The following CPNE8 variants were observed in gnomAD, a reference collection of about 807,000 sequenced individuals.
The protein encoded by CPNE8 is copine-8.
In CPNE8, 45 loss-of-function variants were observed where a neutral mutation model predicts 81.5. The ratio of observed to expected loss-of-function variants is 0.55; its 90% CI spans 0.44 to 0.71. The LOEUF (loss-of-function observed/expected upper bound fraction) is 0.71. Among genes scored for constraint, CPNE8 ranks in the 30% least tolerant of loss-of-function variants. The probability of loss-of-function intolerance (pLI) is 0.00; values close to 1 mark genes in which losing one functional copy is unlikely to be tolerated. For synonymous variants in CPNE8, 252 were observed against 226.3 expected (o/e 1.11, Z -1.02); for missense variants, 594 against 672.1 (o/e 0.88, Z 1.28).
chr12:38,662,090 T>C (rs1382234701), intron 19 of CPNE8, among the ~76,000 whole-genome samples: 1 of 152,066 alleles, frequency 6.6e-6, no homozygotes, highest in African/African-American at 2.4e-5. Flanking sequence ...CTCAAAGAAC[T>C]TGAACAAGAG....
Position 38,717,446 on chromosome 12 carries a change from TATATATATATATAC to T in CPNE8, c.914+6312_914+6325del, listed in dbSNP as rs1288911622. On this transcript the variant is annotated intron_variant, in intron 13 of 19. Transcript: ENST00000331366. ...AGTGTGGTGTATATATATATATATA[TATATATATATATAC>T]ACCATGGAATACTACTCAGTCATTA... is the stretch of plus-strand genomic sequence containing the variant. 5.2e-4 allele frequency among the ~76,000 whole-genome samples: 71 copies of T among 136,990 alleles called. 4 individuals carry two copies. Among genetic ancestry groups the T allele is most frequent in the African/African-American group, 9.9e-4 (37 of 37,320 alleles). The allele number at this position is 136,990 out of a possible 152,430, so 89.9% of individuals were successfully genotyped here. A position where few individuals can be genotyped will look rare whatever the true frequency, so the allele number is the denominator to read the frequency against.
At chr12:38,675,502 TAGTGAAAAGAC>T (rs1939267866) in intron 18 of CPNE8, among the ~76,000 whole-genome samples, 1 of 152,146 alleles carries the variant, frequency 6.6e-6, no homozygotes, top group African/African-American at 2.4e-5. Flanking sequence ...GATAATATCC[TAGTGAAAAGAC>T]AGGATCTTTT....
intron 6 of CPNE8, among the ~76,000 whole-genome samples, chr12:38,781,568 C>A (rs1942054102): frequency 6.6e-6 from 1 of 151,908 alleles, no homozygotes; most frequent in African/African-American, 2.4e-5. Context: ...ACAAAACATT[C>A]AATTAATTGG....
intron 19 of CPNE8, among the ~76,000 whole-genome samples, chr12:38,655,753 A>G (rs989604818): frequency 3.9e-5 from 6 of 152,114 alleles, no homozygotes; most frequent in African/African-American, 1.4e-4. Context: ...CTTTTATGCA[A>G]TGAAGGTAGT....
chr12:38,904,465 T>G (rs895491110), intron 1 of CPNE8, among the ~76,000 whole-genome samples: 4 of 132,090 alleles, frequency 3.0e-5, no homozygotes, highest in African/African-American at 1.2e-4. Flanking sequence ...AGTCAGTTTT[T>G]TTTTGTTTTT....
In CPNE8 at chr12:38,867,818, C is replaced by T. The variant is rs543926759; in HGVS notation, c.186+5186G>A. On this transcript the variant is annotated intron_variant, in intron 3 of 19. Coordinates refer to ENST00000331366, the MANE Select transcript of CPNE8 (RefSeq NM_153634.3). ...CATTTCTAGCTCTGAAATTACTACA[C>T]ACTAAAAATAATTTTAGTTTTACAA... is the stretch of plus-strand genomic sequence containing the variant. Among the ~76,000 whole-genome samples the T allele has an allele frequency of 1.3e-4, 20 of 152,208 alleles. No individual in the cohort carries two copies. In the East Asian group the frequency reaches 2.9e-3, roughly 22 times the overall value.
At chr12:38,849,162 A>G (rs1383795084) in intron 3 of CPNE8, among the ~76,000 whole-genome samples, 1 of 152,144 alleles carries the variant, frequency 6.6e-6, no homozygotes, top group Non-Finnish European at 1.5e-5. Flanking sequence ...TGTCACAACA[A>G]TCAGTTGTTT....
Position 38,826,501 on chromosome 12 carries a change from T to C in CPNE8, c.407+2878A>G, listed in dbSNP as rs181191275. On this transcript the variant is annotated intron_variant, in intron 6 of 19. Transcript: ENST00000331366. ...GCTAAGAAAAATCTAAATCTCATCC[T>C]TTCTGATTACATAAAATGATCATGA... Among the ~76,000 whole-genome samples, 22 of 152,284 alleles carry C rather than the reference T, an allele frequency of 1.4e-4. No homozygotes were observed. In the East Asian group the frequency reaches 3.7e-3, roughly 25 times the overall value.
intron 10 of CPNE8, among the ~76,000 whole-genome samples, chr12:38,731,332 C>T (rs1407682658): frequency 2.6e-5 from 4 of 151,874 alleles, no homozygotes; most frequent in African/African-American, 7.2e-5. Flanking sequence ...AAAACTGAAT[C>T]GCTTAAAATC....
chr12:38,745,304 A>T (rs1388480888), intron 10 of CPNE8, among the ~76,000 whole-genome samples: 3 of 152,200 alleles, frequency 2.0e-5, no homozygotes, highest in Non-Finnish European at 4.4e-5. Flanking sequence ...GGATACTTCA[A>T]CACAGATGTG....
intron 1 of CPNE8, among the ~76,000 whole-genome samples, chr12:38,889,315 GA>G (rs1944277939): frequency 1.3e-5 from 2 of 152,166 alleles, no homozygotes; most frequent in Admixed American, 1.3e-4. Flanking sequence ...GAAGGATCAG[GA>G]AAAGTCTTCA....
intron 6 of CPNE8, among the ~76,000 whole-genome samples, chr12:38,795,950 A>T (rs534020804): frequency 6.6e-6 from 1 of 152,184 alleles, no homozygotes; most frequent in Non-Finnish European, 1.5e-5. Flanking sequence ...AGAATACAAG[A>T]CTGTGTAACA....
At chr12:38,892,797 G>T (rs1944332879) in intron 1 of CPNE8, among the ~76,000 whole-genome samples, 1 of 152,100 alleles carries the variant, frequency 6.6e-6, no homozygotes. Flanking sequence ...TAACATATTA[G>T]AAAAGTAAAT....
intron 6 of CPNE8, among the ~76,000 whole-genome samples, chr12:38,794,976 C>A (rs1434128060): frequency 6.6e-6 from 1 of 152,190 alleles, no homozygotes; most frequent in Non-Finnish European, 1.5e-5. Flanking sequence ...CCCTTACTTG[C>A]TGAATCTTCT....
chr12:38,895,738 C>A (rs1054193258), intron 1 of CPNE8, among the ~76,000 whole-genome samples: 2 of 152,002 alleles, frequency 1.3e-5, no homozygotes, highest in Admixed American at 1.3e-4. Context: ...AATTGCATCT[C>A]CTAAGCTTTA....
chr12:38,785,740 C>T (rs948696818), intron 6 of CPNE8, among the ~76,000 whole-genome samples: 1 of 151,986 alleles, frequency 6.6e-6, no homozygotes, highest in African/African-American at 2.4e-5. Flanking sequence ...ATAGACACAA[C>T]AAAAAGTTAA....
chr12:38,902,993 C>T (rs1944512174), intron 1 of CPNE8, among the ~76,000 whole-genome samples: 1 of 152,174 alleles, frequency 6.6e-6, no homozygotes, highest in South Asian at 2.1e-4. Flanking sequence ...AAGAACAAGT[C>T]ACAAAGCCAG....
rs866282447 is a variant in CPNE8, at chr12:38,697,286, T to C, written c.962-3448A>G. On this transcript the variant is annotated intron_variant, in intron 14 of 19. Transcript: ENST00000331366. ...CACATAACATGTGATCTTTTGTAAC[T>C]AGCTGCTTTCACTTAGCTTATAGAT... 5.9e-5 allele frequency among the ~76,000 whole-genome samples: 9 copies of C among 152,318 alleles called. No homozygotes were observed. In the South Asian group the frequency reaches 1.9e-3, roughly 32 times the overall value.
intron 16 of CPNE8, among the ~76,000 whole-genome samples, chr12:38,683,340 T>G (rs1939452704): frequency 6.6e-6 from 1 of 152,176 alleles, no homozygotes; most frequent in South Asian, 2.1e-4. Context: ...AAAAATAATT[T>G]TTAATGATAA....
Sources: gnomAD v4.1 joint callset for allele counts (sites outside exome capture counted in the v4.1 genomes callset) on GRCh38, gnomAD v4.1.1 for gene constraint, MANE v1.5 for transcripts, NCBI Gene and HGNC (gene_info 2026-07-23, HGNC 2026-07-21) for gene names.